Variants in ASB4 observed in about 807,000 individuals in gnomAD.
ASB4 encodes the protein ankyrin repeat and SOCS box containing 4.
A neutral mutation model predicts 38.6 loss-of-function variants in ASB4; 35 were observed. The ratio of observed to expected loss-of-function variants is 0.91; its 90% CI spans 0.69 to 1.20. ASB4 has a LOEUF of 1.20. Ranked by LOEUF, ASB4 falls within the 50% of genes most tolerant of loss-of-function variation. The probability of loss-of-function intolerance (pLI) is 0.00; values close to 1 mark genes in which losing one functional copy is unlikely to be tolerated. For missense variants in ASB4, 557 were observed against 527.2 expected (o/e 1.06, Z -0.55); for synonymous variants, 195 against 201.3 (o/e 0.97, Z 0.26).
upstream of ASB4, among the ~76,000 whole-genome samples, chr7:95,476,340 A>G (rs1456630072): frequency 6.6e-6 from 1 of 152,224 alleles, no homozygotes; most frequent in Non-Finnish European, 1.5e-5. Flanking sequence ...GTAGGTGCGT[A>G]TTGCATGCTT....
upstream of ASB4, among the ~76,000 whole-genome samples, chr7:95,484,294 T>G (rs971084130): frequency 3.3e-5 from 5 of 152,140 alleles, no homozygotes; most frequent in Non-Finnish European, 5.9e-5. Context: ...ATCACACCAC[T>G]GTGCTCCAGT....
chr7:95,523,655 T>C (rs762450242), intron 2 of ASB4, among the ~76,000 whole-genome samples: 24 of 152,182 alleles, frequency 1.6e-4, no homozygotes, highest in Non-Finnish European at 1.9e-4. Flanking sequence ...ATGTTTCAGC[T>C]TAATAATTCT....
chr7:95,515,655 C>A (rs1382521396), intron 2 of ASB4, among the ~76,000 whole-genome samples: 1 of 152,112 alleles, frequency 6.6e-6, no homozygotes, highest in Non-Finnish European at 1.5e-5. Context: ...ACCTTGTGAT[C>A]CCCCCGACCT....
upstream of ASB4, among the ~76,000 whole-genome samples, chr7:95,484,923 A>G (rs995574590): frequency 5.9e-5 from 9 of 151,456 alleles, no homozygotes; most frequent in African/African-American, 2.2e-4. Context: ...TTTTTGCCAC[A>G]CTTGCTATCT....
upstream of ASB4, among the ~76,000 whole-genome samples, chr7:95,477,733 AC>A (rs1469673525): frequency 8.1e-6 from 1 of 123,882 alleles, no homozygotes; most frequent in Non-Finnish European, 1.8e-5. Flanking sequence ...CTTAACAAGA[AC>A]CTTTTTTTTT....
chr7:95,505,498 T>C (rs2116607158), intron 2 of ASB4, among the ~76,000 whole-genome samples: 1 of 152,332 alleles, frequency 6.6e-6, no homozygotes, highest in Non-Finnish European at 1.5e-5. Flanking sequence ...TTATTCCTTC[T>C]TCAGAGGCAA....
At chr7:95,495,703 G>T in intron 1 of ASB4, 55 bp from the exon 2 acceptor site, 2 of 1,507,352 alleles carry the variant, frequency 1.3e-6, no homozygotes, top group Non-Finnish European at 1.8e-6. Context: ...AAAACAGGGA[G>T]AAAGCCTAGG....
intron 1 of ASB4, among the ~76,000 whole-genome samples, chr7:95,492,737 T>C (rs1277592934): frequency 6.6e-6 from 1 of 152,232 alleles, no homozygotes. Flanking sequence ...ATTTTTGCTG[T>C]TAATCAGCAG....
chr7:95,524,582 C>G (rs1790711377), intron 2 of ASB4, among the ~76,000 whole-genome samples: 1 of 152,030 alleles, frequency 6.6e-6, no homozygotes, highest in African/African-American at 2.4e-5. Flanking sequence ...CCCCCCAAAA[C>G]ACACACACAC....
At chr7:95,535,785 A>G (rs542846178) in intron 3 of ASB4, among the ~76,000 whole-genome samples, 29 of 152,328 alleles carry the variant, frequency 1.9e-4, no homozygotes, top group African/African-American at 6.5e-4. Context: ...TAAAATACCA[A>G]TAAGTGTGGT....
At chr7:95,528,597 G>T (rs1428502782) in intron 3 of ASB4, 1 of 1,372,328 alleles carries the variant, frequency 7.3e-7, no homozygotes, top group Non-Finnish European at 9.4e-7. Flanking sequence ...AGGTAAGTCT[G>T]CCAGAAAGGT....
upstream of ASB4, among the ~76,000 whole-genome samples, chr7:95,485,520 G>A (rs1392226594): frequency 6.6e-6 from 1 of 152,078 alleles, no homozygotes; most frequent in Non-Finnish European, 1.5e-5. Flanking sequence ...GTTTTTAGAA[G>A]CAAATGTATC....
rs374771827 is a variant in ASB4 at position 95,511,960 on chromosome 7, GT to G, written c.488-15848del. ...CGGGACTGCCTTGGGTGACTTTGCTGTTTTTGCCTTATTCTGTGGATCTCAT... is the reference window on the plus strand; with the variant it reads ...CGGGACTGCCTTGGGTGACTTTGCTGTTTTGCCTTATTCTGTGGATCTCAT... On this transcript the variant is annotated intron_variant, in intron 2 of 4. Coordinates refer to ENST00000325885, the MANE Select transcript of ASB4 (RefSeq NM_016116.3). 6.2e-3 allele frequency among the ~76,000 whole-genome samples: 941 copies of G among 152,244 alleles called. 11 individuals are homozygous for G. Among genetic ancestry groups the G allele is most frequent in the African/African-American group, 0.021 (873 of 41,528 alleles).
chr7:95,546,047 G>C, the ASB4 span, among the ~76,000 whole-genome samples: 4 of 152,250 alleles, frequency 2.6e-5, no homozygotes, highest in East Asian at 1.9e-4. Context: ...GCCAGAGTTG[G>C]AACTCCTCCC....
upstream of ASB4, among the ~76,000 whole-genome samples, chr7:95,482,885 A>G (rs1790032856): frequency 1.3e-5 from 2 of 152,128 alleles, no homozygotes; most frequent in South Asian, 2.1e-4. Flanking sequence ...TGGTTTAGAA[A>G]CAACCAGATA....
intron 2 of ASB4, among the ~76,000 whole-genome samples, chr7:95,507,088 G>A (rs1790420311): frequency 6.6e-6 from 1 of 152,022 alleles, no homozygotes; most frequent in East Asian, 1.9e-4. Flanking sequence ...TTTAAGATCC[G>A]AGTCACTAAA....
intron 2 of ASB4, among the ~76,000 whole-genome samples, chr7:95,514,048 A>C (rs1462819686): frequency 6.6e-6 from 1 of 152,106 alleles, no homozygotes. Flanking sequence ...ACATGATCTC[A>C]TCCTTGGTCC....
chr7:95,494,783 C>A (rs1427214880), intron 1 of ASB4, among the ~76,000 whole-genome samples: 2 of 151,936 alleles, frequency 1.3e-5, no homozygotes, highest in South Asian at 2.1e-4. Context: ...GAAAAAAGAC[C>A]AGCTCAGCGT....
chr7:95,510,950 C>T (rs751969861), intron 2 of ASB4, among the ~76,000 whole-genome samples: 14 of 152,138 alleles, frequency 9.2e-5, no homozygotes, highest in Non-Finnish European at 1.9e-4. Context: ...ATCCTCTGAA[C>T]ATTTTAAATA....
Sources: allele counts gnomAD v4.1 joint callset (sites outside exome capture counted in the v4.1 genomes callset), GRCh38; gene constraint gnomAD v4.1.1; transcripts MANE v1.5; gene names NCBI Gene and HGNC (gene_info 2026-07-23, HGNC 2026-07-21).